PLEKHM2: variants seen among roughly 807,000 people sequenced by gnomAD.
PLEKHM2 encodes pleckstrin homology and RUN domain containing M2, also known as pleckstrin homology domain-containing family M member 2.
A neutral mutation model predicts 116.3 loss-of-function variants in PLEKHM2; 77 were observed. That is an observed-to-expected ratio of 0.66 (90% CI 0.55 to 0.80). PLEKHM2 has a LOEUF of 0.80. Ranked by LOEUF, PLEKHM2 falls within the 30% of genes least tolerant of loss-of-function variation. The pLI, the probability that PLEKHM2 is intolerant of heterozygous loss-of-function variation, is 0.00. For synonymous variants in PLEKHM2, 562 were observed against 571.0 expected (o/e 0.98, Z 0.22); for missense variants, 1,183 against 1,354.9 (o/e 0.87, Z 1.99).
At chr1:15,709,528 G>T (rs981190216) in intron 1 of PLEKHM2, among the ~76,000 whole-genome samples, 1 of 152,126 alleles carries the variant, frequency 6.6e-6, no homozygotes, top group Non-Finnish European at 1.5e-5. Context: ...GGTCTAAATA[G>T]TCGTTTTATA....
At chr1:15,682,793 G>C (rs1343536008), upstream of PLEKHM2, 1 of 152,342 alleles carries the variant, frequency 6.6e-6, no homozygotes, top group African/African-American at 2.4e-5. Context: ...GGGATGGGGT[G>C]GCCTGAGCAG....
chr1:15,732,229 A>C, intron 17 of PLEKHM2, 121 bp from the exon 18 acceptor site: 1 of 1,001,652 alleles, frequency 1.0e-6, no homozygotes. Flanking sequence ...TCTGCTCCCG[A>C]TCCCTGGAGG....
At chr1:15,700,141 G>T (rs185496325) in intron 1 of PLEKHM2, among the ~76,000 whole-genome samples, 380 of 152,328 alleles carry the variant, frequency 2.5e-3, no homozygotes, top group Non-Finnish European at 4.6e-3. Flanking sequence ...CATTCCTGAT[G>T]TGGTCCCCTA....
chr1:15,682,643 CA>C (rs1420159690), upstream of PLEKHM2, among the ~76,000 whole-genome samples: 1 of 97,472 alleles, frequency 1.0e-5, no homozygotes, highest in Non-Finnish European at 2.0e-5. Flanking sequence ...CAAAACAAAA[CA>C]AAAAAAACAA....
chr1:15,731,987 C>T lies in PLEKHM2; in HGVS notation c.2564C>T (p.Ala855Val), dbSNP rs761155814. ...LSDRPCLELSAESEAEMAEWM... is the reference protein window; with the variant it reads ...LSDRPCLELSVESEAEMAEWM... Reference sequence around the variant, plus strand: ...GACCGGCCCTGCCTGGAGCTAAGTGCCGAGAGCGAGGCCGAGATGGCCGAG... The same window carrying T: ...GACCGGCCCTGCCTGGAGCTAAGTGTCGAGAGCGAGGCCGAGATGGCCGAG... Residue 855 changes from alanine to valine, a missense_variant, in exon 17 of 20, where the codon GCC becomes GTC. Coordinates refer to ENST00000375799, the MANE Select transcript of PLEKHM2 (RefSeq NM_015164.4). The T allele has an allele frequency of 1.9e-6, 3 of 1,612,324 alleles. No homozygotes were observed. The African/African-American group carries it at 4.0e-5, about 22-fold the overall frequency.
chr1:15,728,808 G>A lies in PLEKHM2; in HGVS notation c.1986+75G>A. ...CAAGCCACTTACCCATAGAACTGCA[G>A]GGCGAGGCACGGCCCCTTACTCCCC... On this transcript the variant is annotated intron_variant, in intron 12 of 19. Coordinates refer to ENST00000375799, the MANE Select transcript of PLEKHM2 (RefSeq NM_015164.4). The surrounding 1 kb of genome is among the most constrained non-coding windows in gnomAD (Gnocchi z 5.9). 2 of 1,363,660 alleles carry A rather than the reference G, an allele frequency of 1.5e-6. No homozygotes were observed. The highest frequency in any genetic ancestry group is 2.5e-5 in the South Asian group (2 of 80,686). The allele number at this position is 1,363,660 out of a possible 1,614,324, so 84.5% of individuals were successfully genotyped here.
intron 1 of PLEKHM2, among the ~76,000 whole-genome samples, chr1:15,699,673 C>T (rs748259324): frequency 5.3e-5 from 8 of 152,002 alleles, no homozygotes; most frequent in Non-Finnish European, 1.2e-4. Context: ...GTGTCTTTAC[C>T]ACATCTCTAT....
intron 1 of PLEKHM2, among the ~76,000 whole-genome samples, chr1:15,690,071 T>G (rs567678089): frequency 9.4e-5 from 14 of 148,884 alleles, no homozygotes; most frequent in Admixed American, 2.0e-4. Flanking sequence ...TTTTTTTTTT[T>G]TTGTTTTGTT....
chr1:15,698,385 G>A (rs1178041831), intron 1 of PLEKHM2, among the ~76,000 whole-genome samples: 1 of 151,452 alleles, frequency 6.6e-6, no homozygotes, highest in Non-Finnish European at 1.5e-5. Flanking sequence ...TTAGTATTTT[G>A]TAGGGACAGG....
chr1:15,694,760 T>TG (rs372157463), intron 1 of PLEKHM2, among the ~76,000 whole-genome samples: 34 of 151,878 alleles, frequency 2.2e-4, no homozygotes, highest in East Asian at 9.7e-4. Flanking sequence ...TGTTTTGTTT[T>TG]TTTTTTTTGT....
chr1:15,730,740 T>C lies in PLEKHM2; in HGVS notation c.2399+18T>C, dbSNP rs2068130794. On this transcript the variant is annotated intron_variant, in intron 15 of 19. Transcript: ENST00000375799. ...GTGCTCAGGTGGGAGCCCTGGCAGC[T>C]CTAGGCCTGGGGCTTGGGCCCTGGG... 3.2e-6 allele frequency: 5 copies of C among 1,576,622 alleles called. No individual in the cohort carries two copies. Among genetic ancestry groups the C allele is most frequent in the Non-Finnish European group, 4.3e-6 (5 of 1,161,204 alleles).
intron 19 of PLEKHM2, 86 bp downstream of exon 19, chr1:15,732,814 A>G: frequency 4.3e-6 from 4 of 920,790 alleles, no homozygotes; most frequent in Non-Finnish European, 6.7e-6. Context: ...TGCTGCTCCC[A>G]GGACTTGGCC....
At chr1:15,682,197 A>G (rs1640659463), upstream of PLEKHM2, among the ~76,000 whole-genome samples, 2 of 151,966 alleles carry the variant, frequency 1.3e-5, no homozygotes, top group African/African-American at 4.8e-5. Context: ...CCCTGTCTTT[A>G]AAAAATAATT....
intron 1 of PLEKHM2, among the ~76,000 whole-genome samples, chr1:15,694,871 C>A (rs1640962307): frequency 6.6e-6 from 1 of 152,018 alleles, no homozygotes; most frequent in African/African-American, 2.4e-5. Context: ...GATTCTCCTG[C>A]CTCAGCCTCC....
chr1:15,693,821 G>A (rs1433587453), intron 1 of PLEKHM2, among the ~76,000 whole-genome samples: 2 of 152,226 alleles, frequency 1.3e-5, no homozygotes, highest in Non-Finnish European at 2.9e-5. Flanking sequence ...AAAGGCAAGA[G>A]CTGGTGTTCA....
Position 15,729,185 on chromosome 1 carries a change from G to A in PLEKHM2, c.2070G>A (p.Leu690=). ...QFLLDTADVA[L]AEFFLASLKS... ...TGCTGGACACGGCTGATGTGGCGCT[G>A]GCTGAGTGAGTGGCAACCCCGCCCC... Residue 690 remains leucine, a synonymous_variant, in exon 13 of 20, where the codon CTG becomes CTA. Transcript: ENST00000375799. This position sits in a 1 kb window ranked among gnomAD's most constrained non-coding sequence, Gnocchi z 4.7. The A allele has an allele frequency of 1.9e-6, 3 of 1,608,982 alleles. No homozygotes were observed. Among genetic ancestry groups the A allele is most frequent in the Non-Finnish European group, 8.5e-7 (1 of 1,177,708 alleles).
At chr1:15,715,817 G>A (rs1388572272) in intron 1 of PLEKHM2, among the ~76,000 whole-genome samples, 4 of 152,238 alleles carry the variant, frequency 2.6e-5, no homozygotes, top group African/African-American at 7.2e-5. Flanking sequence ...ACAATGGGAG[G>A]AAAATACGTC....
At chr1:15,707,306 A>C (rs1641246105) in intron 1 of PLEKHM2, among the ~76,000 whole-genome samples, 1 of 151,768 alleles carries the variant, frequency 6.6e-6, no homozygotes, top group African/African-American at 2.4e-5. Context: ...GGTGGTACAT[A>C]CCTGTAGTCT....
At position 15,729,993 on chromosome 1, in the gene PLEKHM2, G is replaced by C; in HGVS notation, c.2208+64G>C. ...ATGGCAGAGCAGCAGCCGCCTTGGC[G>C]TGAGCGTTAAGGGATGCACGTGGAT... On this transcript the variant is annotated intron_variant, in intron 14 of 19. Coordinates refer to ENST00000375799, the MANE Select transcript of PLEKHM2 (RefSeq NM_015164.4). This position sits in a 1 kb window ranked among gnomAD's most constrained non-coding sequence, Gnocchi z 4.7. 2 of 1,397,194 alleles carry C rather than the reference G, an allele frequency of 1.4e-6. No individual in the cohort carries two copies. The highest frequency in any genetic ancestry group is 1.9e-6 in the Non-Finnish European group (2 of 1,041,848). The allele number at this position is 1,397,194 out of a possible 1,614,324, so 86.5% of individuals were successfully genotyped here.
Sources: allele counts gnomAD v4.1 joint callset (sites outside exome capture counted in the v4.1 genomes callset), GRCh38; gene constraint gnomAD v4.1.1; non-coding constraint Gnocchi (gnomAD v3.1); transcripts MANE v1.5; gene names NCBI Gene and HGNC (gene_info 2026-07-23, HGNC 2026-07-21).